VPS13C: variants seen among roughly 807,000 people sequenced by gnomAD.
VPS13C encodes vacuolar protein sorting 13 homolog C.
In VPS13C, 358 loss-of-function variants were observed where a neutral mutation model predicts 456.8. That is an observed-to-expected ratio of 0.78 (90% CI 0.72 to 0.86). The LOEUF (loss-of-function observed/expected upper bound fraction) is 0.86, where lower values mean the gene tolerates loss of function less well. VPS13C is among the 40% of genes least tolerant of loss of function. The pLI, the probability that VPS13C is intolerant of heterozygous loss-of-function variation, is 0.00. For synonymous variants in VPS13C, 1,578 were observed against 1,486.7 expected (o/e 1.06, Z -1.41); for missense variants, 4,818 against 4,385.4 (o/e 1.10, Z -2.79).
At chr15:62,016,580 G>A (rs529420231) in intron 9 of VPS13C, among the ~76,000 whole-genome samples, 1 of 151,786 alleles carries the variant, frequency 6.6e-6, no homozygotes, top group Non-Finnish European at 1.5e-5. Context: ...CTTCATCCAT[G>A]TCCCTACAAA....
chr15:62,040,156 T>C (rs2048193152), intron 3 of VPS13C, among the ~76,000 whole-genome samples: 2 of 151,976 alleles, frequency 1.3e-5, no homozygotes, highest in Admixed American at 6.6e-5. Flanking sequence ...GAACTAAAAT[T>C]AAAACAACTG....
chr15:62,003,516 T>C (rs1016695174), intron 15 of VPS13C, among the ~76,000 whole-genome samples: 31 of 152,142 alleles, frequency 2.0e-4, no homozygotes, highest in African/African-American at 7.5e-4. Flanking sequence ...TTTAGTTCCT[T>C]CTCCTGCCTA....
At chr15:61,923,024 T>A (rs34853395) in intron 53 of VPS13C, among the ~76,000 whole-genome samples, 2 of 152,226 alleles carry the variant, frequency 1.3e-5, no homozygotes, top group Non-Finnish European at 2.9e-5. Flanking sequence ...ATAACTAATG[T>A]TATATGTCAG....
intron 45 of VPS13C, among the ~76,000 whole-genome samples, chr15:61,945,021 TC>T (rs34224157): frequency 1.3e-5 from 2 of 152,062 alleles, no homozygotes; most frequent in East Asian, 3.9e-4. Context: ...AGGGGCAGTT[TC>T]CCCCATGCTG....
chr15:61,967,527 A>G, intron 28 of VPS13C, 80 bp from the exon 29 acceptor site: 1 of 1,104,342 alleles, frequency 9.1e-7, no homozygotes, highest in Non-Finnish European at 1.3e-6. Context: ...ATTTTTAAAA[A>G]TTTGTTAATT....
At chr15:62,013,892 C>A in intron 10 of VPS13C, 41 bp downstream of exon 10, 2 of 1,399,216 alleles carry the variant, frequency 1.4e-6, no homozygotes, top group Non-Finnish European at 1.0e-6. Context: ...AAATTAAGTG[C>A]ACCTAGGAAA....
At chr15:61,886,616 T>C (rs1896292423) in intron 67 of VPS13C, among the ~76,000 whole-genome samples, 1 of 152,108 alleles carries the variant, frequency 6.6e-6, no homozygotes. Context: ...CAACAAAACA[T>C]TATTTATGGG....
Position 61,874,891 on chromosome 15 carries a change from A to C in VPS13C, c.10399T>G (p.Phe3467Val). The C allele has an allele frequency of 6.3e-7, 1 of 1,594,518 alleles. No homozygotes were observed. Among genetic ancestry groups the C allele is most frequent in the Non-Finnish European group, 8.5e-7 (1 of 1,171,506 alleles). ...TGATACATACCTACTGTGTGTCCAA[A>C]GAGGCTTCTCACTCCAATCACTAAC... The part of the protein sequence containing the change: ...EGLVIGVRSL[F>V]GHTVGGAAGV... The change falls in exon 77 of 85, where the codon TTT becomes GTT. Residue 3467 changes from phenylalanine to valine, a missense_variant. Coordinates refer to ENST00000644861, the MANE Select transcript of VPS13C (RefSeq NM_020821.3).
chr15:62,024,243 G>A (rs2047557824), intron 6 of VPS13C, among the ~76,000 whole-genome samples: 1 of 151,938 alleles, frequency 6.6e-6, no homozygotes, highest in African/African-American at 2.4e-5. Flanking sequence ...TAAACATATG[G>A]TAGGAACATA....
intron 31 of VPS13C, 133 bp downstream of exon 31, chr15:61,964,566 G>A (rs756538433): frequency 7.4e-5 from 61 of 825,938 alleles, no homozygotes; most frequent in Admixed American, 2.5e-4. Context: ...TCAGGTGCTC[G>A]CATATAATTT....
chr15:61,906,229 A>C (rs2043148993), intron 66 of VPS13C, among the ~76,000 whole-genome samples: 2 of 152,166 alleles, frequency 1.3e-5, no homozygotes, highest in African/African-American at 4.8e-5. Context: ...AACTGAGTGG[A>C]CAAGGACATA....
Position 61,881,763 on chromosome 15 carries a change from A to T in VPS13C, c.9690T>A (p.Ser3230=). 1 of 1,609,274 alleles carries T rather than the reference A, an allele frequency of 6.2e-7. No homozygotes were observed. The highest frequency in any genetic ancestry group is 8.5e-7 in the Non-Finnish European group (1 of 1,178,696). Reference sequence around the variant, plus strand: ...TTATTTTACCTGAATCTAAAGCAATAGATTTTGGAGGGGCAACAGGATGAA... The same window carrying T: ...TTATTTTACCTGAATCTAAAGCAATTGATTTTGGAGGGGCAACAGGATGAA... ...VVFHPVAPPK[S]IALDSEPKPF... Residue 3230 remains serine (S), a synonymous_variant, in exon 70 of 85, where the codon TCT becomes TCA. Transcript: ENST00000644861.
intron 37 of VPS13C, among the ~76,000 whole-genome samples, 172 bp downstream of exon 37, chr15:61,958,436 G>A (rs982885048): frequency 6.6e-5 from 10 of 152,092 alleles, no homozygotes; most frequent in Admixed American, 5.2e-4. Context: ...TAGCTTAAGA[G>A]AGTCAATCAT....
chr15:62,043,023 T>C (rs1278526782), intron 2 of VPS13C, among the ~76,000 whole-genome samples: 1 of 151,728 alleles, frequency 6.6e-6, no homozygotes, highest in Non-Finnish European at 1.5e-5. Flanking sequence ...CCTTAGTATG[T>C]TAGATATATA....
intron 3 of VPS13C, among the ~76,000 whole-genome samples, chr15:62,040,363 G>A (rs1244045904): frequency 6.6e-6 from 1 of 152,040 alleles, no homozygotes; most frequent in Non-Finnish European, 1.5e-5. Context: ...TACATTATTT[G>A]TAACACAAAG....
intron 23 of VPS13C, among the ~76,000 whole-genome samples, chr15:61,977,537 A>G (rs539100067): frequency 6.6e-6 from 1 of 152,152 alleles, no homozygotes; most frequent in South Asian, 2.1e-4. Flanking sequence ...ACTAAGGTTG[A>G]TAATTACAGT....
chr15:62,001,781 T>G (rs1287679563), intron 15 of VPS13C, among the ~76,000 whole-genome samples: 1 of 152,246 alleles, frequency 6.6e-6, no homozygotes, highest in Non-Finnish European at 1.5e-5. Context: ...TGGTTTTTTG[T>G]TCTTGCGATA....
intron 53 of VPS13C, 108 bp from the exon 54 acceptor site, chr15:61,922,870 A>C (rs2043708405): frequency 1.1e-6 from 1 of 900,164 alleles, no homozygotes; most frequent in South Asian, 4.2e-5. Flanking sequence ...GACATTTTTA[A>C]ATTAAATTTT....
At position 61,942,057 on chromosome 15, in the gene VPS13C, T is replaced by C; in HGVS notation, c.5159A>G (p.Asn1720Ser). The change falls in exon 46 of 85, where the codon AAC (asparagine) becomes AGC (serine). Residue 1720 changes from asparagine to serine, a missense_variant. Around this residue, in one of 3 missense-constraint regions of VPS13C, gnomAD observed 4,552 missense variants for 4,130.6 expected, o/e 1.10. Coordinates refer to ENST00000644861, the MANE Select transcript of VPS13C (RefSeq NM_020821.3). Reference sequence around the variant, plus strand: ...AGCTTCTTTAGCAGTTTGGAAATTGTTGAGGAAGTTCTGTTGGAAGAGACA... The same window carrying C: ...AGCTTCTTTAGCAGTTTGGAAATTGCTGAGGAAGTTCTGTTGGAAGAGACA... ...KFFMSLLNFL[N>S]NFQTAKEALS... 6.3e-7 allele frequency: 1 copy of C among 1,582,352 alleles called. No homozygotes were observed. The highest frequency in any genetic ancestry group is 1.3e-5 in the African/African-American group (1 of 74,370).
Sources: allele counts gnomAD v4.1 joint callset (sites outside exome capture counted in the v4.1 genomes callset), GRCh38; gene constraint gnomAD v4.1.1; regional missense constraint gnomAD v4.1.1; transcripts MANE v1.5; gene names NCBI Gene and HGNC (gene_info 2026-07-23, HGNC 2026-07-21).